AARS2: variants seen among roughly 807,000 people sequenced by gnomAD.
AARS2 encodes alanine--tRNA ligase, mitochondrial.
A neutral mutation model predicts 119.7 loss-of-function variants in AARS2; 78 were observed. That is an observed-to-expected ratio of 0.65 (90% CI 0.54 to 0.79). The LOEUF (loss-of-function observed/expected upper bound fraction) is 0.79, where lower values mean the gene tolerates loss of function less well. Ranked by LOEUF, AARS2 falls within the 30% of genes least tolerant of loss-of-function variation. AARS2 has a pLI of 0.00. For synonymous variants in AARS2, 502 were observed against 526.3 expected (o/e 0.95, Z 0.63); for missense variants, 1,157 against 1,291.3 (o/e 0.90, Z 1.59).
rs1234810242 is a variant in AARS2, at chr6:44,302,149, G to A, written c.2509C>T (p.Pro837Ser). Residue 837 changes from proline (P) to serine (S), a missense_variant, in exon 19 of 22, where the codon CCC becomes TCC. Coordinates refer to ENST00000244571, the MANE Select transcript of AARS2 (RefSeq NM_020745.4). ...LIEAVETAVM[P>S]QWQRRELLAT... is the part of the protein sequence containing the mutation. ...AGCAGCTCCCGCCGCTGCCACTGGG[G>A]CATCACAGCAGTTTCCACAGCCTAT... 2 of 1,613,906 alleles carry A rather than the reference G, an allele frequency of 1.2e-6. No individual in the cohort carries two copies. Among genetic ancestry groups the A allele is most frequent in the Admixed American group, 1.7e-5 (1 of 59,998 alleles).
In AARS2 at chr6:44,302,891, C is replaced by T; in HGVS notation, c.2275G>A (p.Ala759Thr). 1 of 1,614,146 alleles carries T rather than the reference C, an allele frequency of 6.2e-7. No individual in the cohort carries two copies. The highest frequency in any genetic ancestry group is 2.2e-5 in the East Asian group (1 of 44,886). Residue 759 changes from alanine to threonine, a missense_variant, in exon 17 of 22, where the codon GCT becomes ACT. Physicochemically the swap from Ala to Thr is moderately conservative, Grantham distance 58. Coordinates refer to ENST00000244571, the MANE Select transcript of AARS2 (RefSeq NM_020745.4). ...CCGATGATAACCAGGTCCCCTACAG[C>T]CCCAGTACGTAACAGGTGCCTGTGG... ...CCGTHLLRTGAVGDLVIIGDR... is the reference protein window; with the variant it reads ...CCGTHLLRTGTVGDLVIIGDR...
Position 44,300,278 on chromosome 6 carries a change from C to A in AARS2, c.*269G>T. On this transcript the variant is annotated 3_prime_UTR_variant, in exon 22 of 22. Transcript: ENST00000244571. ...ACAGGTGTGAACCACCACACCCGGC[C>A]AGTGAAATAATTTCTAATGTGCAGT... is the stretch of plus-strand genomic sequence containing the variant. 1.9e-6 allele frequency: 1 copy of A among 528,844 alleles called. No homozygotes were observed. The highest frequency in any genetic ancestry group is 3.4e-6 in the Non-Finnish European group (1 of 292,924). 32.8% of individuals were successfully genotyped at this position (528,844 alleles called of 1,614,324 possible). A position where few individuals can be genotyped will look rare whatever the true frequency, so the allele number is the denominator to read the frequency against.
At position 44,313,097 on chromosome 6, in the gene AARS2, T is replaced by C. The variant is rs1294144659; in HGVS notation, c.227A>G (p.Asn76Ser). ...PRGDPSLLFV[N>S]AGMNQFKPIF... ...GGCCCTCACCTGGTTCATGCCCGCATTGACAAAAAGCAAACTGGGGTCGCC... is the reference window on the plus strand; with the variant it reads ...GGCCCTCACCTGGTTCATGCCCGCACTGACAAAAAGCAAACTGGGGTCGCC... The change falls in exon 1 of 22, where the codon AAT becomes AGT. Residue 76 changes from asparagine to serine, a missense_variant. Physicochemically the swap from Asn to Ser is conservative, Grantham distance 46 (BLOSUM62 1). Transcript: ENST00000244571. The C allele has an allele frequency of 3.1e-6, 5 of 1,613,454 alleles. No individual in the cohort carries two copies. The highest frequency in any genetic ancestry group is 1.3e-5 in the African/African-American group (1 of 74,952).
chr6:44,305,621 C>T lies in AARS2; in HGVS notation c.1434+32G>A, dbSNP rs1785777765. ...CAGGGCTGGGGAAGAGGTGTCCTAA[C>T]AGAACCCAGCATGGGGTGCCACAGC... On this transcript the variant is annotated intron_variant, in intron 10 of 21. Transcript: ENST00000244571. The surrounding 1 kb of genome is among the most constrained non-coding windows in gnomAD (Gnocchi z 4.6). The T allele has an allele frequency of 1.2e-6, 2 of 1,613,174 alleles. No homozygotes were observed. Among genetic ancestry groups the T allele is most frequent in the Non-Finnish European group, 1.7e-6 (2 of 1,179,940 alleles).
At position 44,304,546 on chromosome 6, in the gene AARS2, A is replaced by T. The variant is rs80339975; in HGVS notation, c.1753-13T>A. ...GGAACAGCACGTCCTGAGGGAGGGT[A>T]GTGGTCAAGGTGCCTGTAGCCTTTC... On this transcript the variant is annotated splice_polypyrimidine_tract_variant and intron_variant, in intron 12 of 21. Coordinates refer to ENST00000244571, the MANE Select transcript of AARS2 (RefSeq NM_020745.4). The T allele has an allele frequency of 6.2e-7, 1 of 1,614,098 alleles. No homozygotes were observed. The highest frequency in any genetic ancestry group is 1.7e-5 in the Admixed American group (1 of 60,020).
At chr6:44,302,747 G>GT (rs1262597567) in intron 17 of AARS2, 55 bp downstream of exon 17, 81 of 1,547,396 alleles carry the variant, frequency 5.2e-5, no homozygotes, top group South Asian at 4.7e-4. Flanking sequence ...TGTCACCTGC[G>GT]TGTGTCCCAT....
intron 2 of AARS2, 38 bp downstream of exon 2, chr6:44,312,034 C>T: frequency 6.2e-7 from 1 of 1,607,062 alleles, no homozygotes; most frequent in Non-Finnish European, 8.5e-7. Context: ...GACAAATTGA[C>T]TCCCTTCTTG....
chr6:44,305,333 T>C lies in AARS2; in HGVS notation c.1435-135A>G, dbSNP rs1352234659. 4.3e-6 allele frequency: 6 copies of C among 1,408,562 alleles called. No individual in the cohort carries two copies. Among genetic ancestry groups the C allele is most frequent in the East Asian group, 2.4e-5 (1 of 41,954 alleles). The allele number at this position is 1,408,562 out of a possible 1,614,324, so 87.3% of individuals were successfully genotyped here. A position where few individuals can be genotyped will look rare whatever the true frequency, so the allele number is the denominator to read the frequency against. On this transcript the variant is annotated intron_variant, in intron 10 of 21. Coordinates refer to ENST00000244571, the MANE Select transcript of AARS2 (RefSeq NM_020745.4). The surrounding 1 kb of genome is among the most constrained non-coding windows in gnomAD (Gnocchi z 4.6). The stretch of plus-strand genomic sequence containing the variant: ...CCCTTCTGGAATAAGAACTCAGGGC[T>C]TGGCTGGCTGCTAGAGCCCCTGAGC...
At chr6:44,303,230 C>T (rs867379401) in intron 15 of AARS2, 55 bp from the exon 16 acceptor site, 2 of 1,614,022 alleles carry the variant, frequency 1.2e-6, no homozygotes, top group Middle Eastern at 3.3e-4. Flanking sequence ...GATAAAGCCT[C>T]CAGGTATGCC....
In AARS2 at chr6:44,300,226, G is replaced by A. The variant is rs148180465; in HGVS notation, c.*321C>T. On this transcript the variant is annotated 3_prime_UTR_variant, in exon 22 of 22. Coordinates refer to ENST00000244571, the MANE Select transcript of AARS2 (RefSeq NM_020745.4). ...GATCTCCTGACCTCATGATCTACCT[G>A]CCTCGGCCTCCCAAAGTGCTTGGAT... 333 of 396,776 alleles carry A rather than the reference G, an allele frequency of 8.4e-4. 3 individuals are homozygous for A. Among genetic ancestry groups the A allele is most frequent in the African/African-American group, 6.2e-3 (306 of 49,070 alleles). 24.6% of individuals were successfully genotyped at this position (396,776 alleles called of 1,614,324 possible).
At chr6:44,303,547 A>G in intron 14 of AARS2, 124 bp from the exon 15 acceptor site, 1 of 1,406,034 alleles carries the variant, frequency 7.1e-7, no homozygotes, top group Non-Finnish European at 1.0e-6. Context: ...TGGCTAGCAC[A>G]TAATAGGTGC....
chr6:44,302,884 C>A lies in AARS2; in HGVS notation c.2282G>T (p.Gly761Val). 6.2e-7 allele frequency: 1 copy of A among 1,614,152 alleles called. No individual in the cohort carries two copies. Among genetic ancestry groups the A allele is most frequent in the Non-Finnish European group, 8.5e-7 (1 of 1,180,030 alleles). The change falls in exon 17 of 22, where the codon GGG becomes GTG. Residue 761 changes from glycine to valine, a missense_variant. Transcript: ENST00000244571. ...GTHLLRTGAV[G>V]DLVIIGDRQL... ...GCGGTCCCCGATGATAACCAGGTCC[C>A]CTACAGCCCCAGTACGTAACAGGTG... is the stretch of plus-strand genomic sequence containing the variant.
At position 44,310,222 on chromosome 6, in the gene AARS2, A is replaced by T; in HGVS notation, c.894+77T>A. 4.6e-6 allele frequency: 7 copies of T among 1,522,266 alleles called. No individual in the cohort carries two copies. In the South Asian group the frequency reaches 6.0e-5, roughly 13 times the overall value. 94.3% of individuals were successfully genotyped at this position (1,522,266 alleles called of 1,614,324 possible). A position where few individuals can be genotyped will look rare whatever the true frequency, so the allele number is the denominator to read the frequency against. On this transcript the variant is annotated intron_variant, in intron 5 of 21. Transcript: ENST00000244571. ...GATGCTGAGAACACTCTGAGTTCTC[A>T]ACAAAGATGGAATGCAATGGGGCTG... is the stretch of plus-strand genomic sequence containing the variant.
In AARS2 at chr6:44,304,473, C is replaced by T. The variant is rs1221437759; in HGVS notation, c.1813G>A (p.Val605Ile). 4 of 1,614,104 alleles carry T rather than the reference C, an allele frequency of 2.5e-6. No homozygotes were observed. The highest frequency in any genetic ancestry group is 2.2e-5 in the East Asian group (1 of 44,898). The change falls in exon 13 of 22, where the codon GTA (valine) becomes ATA (isoleucine). Residue 605 changes from valine (V) to isoleucine (I), a missense_variant. By Grantham distance (29) the Val-to-Ile change is conservative. Coordinates refer to ENST00000244571, the MANE Select transcript of AARS2 (RefSeq NM_020745.4). ...VCGGFILHEA[V>I]APECLRLGDQ... ...CCTAACCGCAGGCACTCAGGGGCTA[C>T]TGCCTCATGCAGGATGAAACCTCCA... is the stretch of plus-strand genomic sequence containing the variant.
At position 44,300,379 on chromosome 6, in the gene AARS2, C is replaced by T; in HGVS notation, c.*168G>A. 1 of 925,604 alleles carries T rather than the reference C, an allele frequency of 1.1e-6. No homozygotes were observed. Among genetic ancestry groups the T allele is most frequent in the South Asian group, 1.5e-5 (1 of 68,004 alleles). 57.3% of individuals were successfully genotyped at this position (925,604 alleles called of 1,614,324 possible). On this transcript the variant is annotated 3_prime_UTR_variant, in exon 22 of 22. Coordinates refer to ENST00000244571, the MANE Select transcript of AARS2 (RefSeq NM_020745.4). ...TTGGGCCCAGTTCTGCCTTCCCTAG[C>T]CCATGTCTCCTTGTGTCACGTAGGC...
Position 44,300,265 on chromosome 6 carries a change from C to T in AARS2, c.*282G>A. ...AAGTGCTTGGATTACAGGTGTGAAC[C>T]ACCACACCCGGCCAGTGAAATAATT... On this transcript the variant is annotated 3_prime_UTR_variant, in exon 22 of 22. Coordinates refer to ENST00000244571, the MANE Select transcript of AARS2 (RefSeq NM_020745.4). The T allele has an allele frequency of 2.0e-6, 1 of 490,944 alleles. No homozygotes were observed. 30.4% of individuals were successfully genotyped at this position (490,944 alleles called of 1,614,324 possible). A position where few individuals can be genotyped will look rare whatever the true frequency, so the allele number is the denominator to read the frequency against.
intron 5 of AARS2, among the ~76,000 whole-genome samples, chr6:44,308,550 A>G (rs1786065918): frequency 6.6e-6 from 1 of 152,138 alleles, no homozygotes; most frequent in Non-Finnish European, 1.5e-5. Flanking sequence ...CTCAAAAAAA[A>G]AAAAGAAGGG....
chr6:44,302,648 C>T (rs1583050450), intron 17 of AARS2, 135 bp from the exon 18 acceptor site: 2 of 1,511,732 alleles, frequency 1.3e-6, no homozygotes, highest in East Asian at 4.6e-5. Flanking sequence ...ATAATCAAAA[C>T]ACATGCCAGC....
intron 11 of AARS2, 87 bp from the exon 12 acceptor site, chr6:44,304,904 C>A: frequency 6.2e-7 from 1 of 1,605,602 alleles, no homozygotes; most frequent in South Asian, 1.1e-5. Context: ...CAAGCACCCC[C>A]GCTGGCAGGG....
Sources: gnomAD v4.1 joint callset for allele counts (sites outside exome capture counted in the v4.1 genomes callset) on GRCh38, gnomAD v4.1.1 for gene constraint, Gnocchi (gnomAD v3.1) non-coding constraint, MANE v1.5 for transcripts, NCBI Gene and HGNC (gene_info 2026-07-23, HGNC 2026-07-21) for gene names.